The following TSPAN9 variants were observed in gnomAD, a reference collection of about 807,000 sequenced individuals.
The protein encoded by TSPAN9 is tetraspanin-9.
A neutral mutation model predicts 31.0 loss-of-function variants in TSPAN9; 16 were observed. The observed-to-expected ratio is 0.52, with a 90% CI of 0.35 to 0.78. The LOEUF (loss-of-function observed/expected upper bound fraction) is 0.78, where lower values mean the gene tolerates loss of function less well. Among genes scored for constraint, TSPAN9 ranks in the 30% least tolerant of loss-of-function variants. The pLI is 0.01. For synonymous variants in TSPAN9, 145 were observed against 121.6 expected, an observed-to-expected ratio of 1.19 and a Z score of -1.27; for missense variants, 272 against 312.5, an observed-to-expected ratio of 0.87 and a Z score of 0.98.
At chr12:3,078,759 G>C (rs188880436) in intron 1 of TSPAN9, among the ~76,000 whole-genome samples, 41 of 152,074 alleles carry the variant, frequency 2.7e-4, no homozygotes, top group African/African-American at 6.3e-4. Flanking sequence ...CTGTGTGCAA[G>C]TCCCTGAACA....
chr12:3,280,232 C>T lies in TSPAN9; in HGVS notation c.331-150C>T. The stretch of plus-strand genomic sequence containing the variant: ...TCTGTTGGGCCAGCAGAGGCCCCCA[C>T]CCCAGTGGGCAGGGCCTTCCAGACC... On this transcript the variant is annotated intron_variant, in intron 5 of 8. Transcript: ENST00000011898. The surrounding 1 kb of genome is among the most constrained non-coding windows in gnomAD (Gnocchi z 4.5). The T allele has an allele frequency of 4.4e-6, 3 of 674,886 alleles. No homozygotes were observed. The highest frequency in any genetic ancestry group is 5.0e-5 in the Admixed American group (2 of 40,340). The allele number at this position is 674,886 out of a possible 1,614,324, so 41.8% of individuals were successfully genotyped here.
intron 2 of TSPAN9, among the ~76,000 whole-genome samples, chr12:3,141,024 G>A (rs543367263): frequency 5.6e-4 from 85 of 151,114 alleles, no homozygotes; most frequent in African/African-American, 2.0e-3. Context: ...GGAGGGAGGG[G>A]GAATTTTTGG....
At chr12:3,105,013 C>T (rs1386955529) in intron 2 of TSPAN9, among the ~76,000 whole-genome samples, 2 of 152,186 alleles carry the variant, frequency 1.3e-5, no homozygotes, top group Non-Finnish European at 2.9e-5. Context: ...GGGGTGAGGG[C>T]AGGCCCTCTG....
At chr12:3,226,780 A>T (rs1565622618) in intron 3 of TSPAN9, among the ~76,000 whole-genome samples, 266 of 2,110 alleles carry the variant, frequency 0.13, 68 homozygotes, top group Non-Finnish European at 0.16. Context: ...ATATATATAT[A>T]TATATATATA....
chr12:3,222,312 G>T lies in TSPAN9; in HGVS notation c.63+21056G>T, dbSNP rs1331971805. Among the ~76,000 whole-genome samples, 3 of 152,334 alleles carry T rather than the reference G, an allele frequency of 2.0e-5. No individual in the cohort carries two copies. The East Asian group carries it at 5.8e-4, about 29-fold the overall frequency. On this transcript the variant is annotated intron_variant, in intron 3 of 8. Coordinates refer to ENST00000011898, the MANE Select transcript of TSPAN9 (RefSeq NM_006675.5). ...TCACAGATGAGGCCTGGTTGGTCTT[G>T]GGTCCATAACTTGTACTTTCAGAGT...
At chr12:3,210,298 A>T (rs959006144) in intron 3 of TSPAN9, among the ~76,000 whole-genome samples, 2 of 152,106 alleles carry the variant, frequency 1.3e-5, no homozygotes, top group Admixed American at 6.6e-5. Flanking sequence ...TCCAGTGAGG[A>T]TGTATCAGTG....
chr12:3,158,541 G>A (rs2098343436), intron 2 of TSPAN9, among the ~76,000 whole-genome samples: 1 of 152,054 alleles, frequency 6.6e-6, no homozygotes, highest in Non-Finnish European at 1.5e-5. Flanking sequence ...GGCCAGCATG[G>A]TGAAATCCCA....
At chr12:3,126,354 C>T (rs2098327364) in intron 2 of TSPAN9, among the ~76,000 whole-genome samples, 3 of 152,206 alleles carry the variant, frequency 2.0e-5, no homozygotes, top group Admixed American at 1.3e-4. Flanking sequence ...CACACCTAGG[C>T]TCTAGGGAAG....
chr12:3,271,006 C>T (rs925980048), intron 3 of TSPAN9, among the ~76,000 whole-genome samples: 24 of 152,250 alleles, frequency 1.6e-4, no homozygotes, highest in Non-Finnish European at 5.9e-5. Flanking sequence ...TAGACATTCT[C>T]TCTTAGAACT....
chr12:3,274,030 G>C (rs146288062), intron 3 of TSPAN9, among the ~76,000 whole-genome samples: 7 of 152,192 alleles, frequency 4.6e-5, no homozygotes, highest in African/African-American at 9.6e-5. Context: ...TGCCTGGCGT[G>C]GGGGGATAGG....
At chr12:3,219,657 C>T (rs947724950) in intron 3 of TSPAN9, among the ~76,000 whole-genome samples, 2 of 151,880 alleles carry the variant, frequency 1.3e-5, no homozygotes, top group African/African-American at 2.4e-5. Context: ...GAAGGGATGA[C>T]TTAAAAAGGG....
chr12:3,101,178 A>T (rs545408100), intron 2 of TSPAN9, among the ~76,000 whole-genome samples: 1 of 152,268 alleles, frequency 6.6e-6, no homozygotes, highest in East Asian at 1.9e-4. Context: ...ATGGAGTACT[A>T]TTGGAGGGGG....
In TSPAN9 at chr12:3,214,749, C is replaced by A. The variant is rs191337151; in HGVS notation, c.63+13493C>A. Among the ~76,000 whole-genome samples the A allele has an allele frequency of 6.6e-5, 10 of 151,884 alleles. No individual in the cohort carries two copies. The East Asian group carries it at 1.9e-3, about 29-fold the overall frequency. The stretch of plus-strand genomic sequence containing the variant: ...GCTGCCGTATTAAGCACCCTGGCTA[C>A]GCTGGGGAGAAGCTCTGCACCTTGT... On this transcript the variant is annotated intron_variant, in intron 3 of 8. Coordinates refer to ENST00000011898, the MANE Select transcript of TSPAN9 (RefSeq NM_006675.5).
intron 3 of TSPAN9, among the ~76,000 whole-genome samples, chr12:3,260,803 G>A (rs1028294963): frequency 1.3e-5 from 2 of 152,198 alleles, no homozygotes; most frequent in African/African-American, 4.8e-5. Context: ...TGGAGGGAAG[G>A]GCGTGGCTGG....
intron 2 of TSPAN9, among the ~76,000 whole-genome samples, chr12:3,158,707 G>A (rs1188108356): frequency 9.3e-6 from 1 of 107,488 alleles, no homozygotes; most frequent in Non-Finnish European, 1.7e-5. Context: ...AGGTGACAGA[G>A]CAAGACTCTG....
At chr12:3,118,573 G>T (rs1460970600) in intron 2 of TSPAN9, among the ~76,000 whole-genome samples, 1 of 151,870 alleles carries the variant, frequency 6.6e-6, no homozygotes, top group East Asian at 1.9e-4. Flanking sequence ...ACCCCTCTCT[G>T]CTCTTTTTTT....
At chr12:3,108,856 C>A (rs1315836587) in intron 2 of TSPAN9, among the ~76,000 whole-genome samples, 1 of 151,624 alleles carries the variant, frequency 6.6e-6, no homozygotes. Context: ...TTTATAGCAC[C>A]CTTTTGGTTT....
At chr12:3,138,190 G>T (rs1367575361) in intron 2 of TSPAN9, among the ~76,000 whole-genome samples, 1 of 152,214 alleles carries the variant, frequency 6.6e-6, no homozygotes, top group Admixed American at 6.5e-5. Flanking sequence ...CCCCTGGGCT[G>T]GCCCCTCTGC....
intron 2 of TSPAN9, among the ~76,000 whole-genome samples, chr12:3,138,350 C>T (rs1055149981): frequency 3.9e-5 from 6 of 152,112 alleles, no homozygotes; most frequent in African/African-American, 9.7e-5. Flanking sequence ...TTCACCACCT[C>T]CCGGAGTCGG....
Sources: gnomAD v4.1 joint callset for allele counts (sites outside exome capture counted in the v4.1 genomes callset) on GRCh38, gnomAD v4.1.1 for gene constraint, Gnocchi (gnomAD v3.1) non-coding constraint, MANE v1.5 for transcripts, NCBI Gene and HGNC (gene_info 2026-07-23, HGNC 2026-07-21) for gene names.